The following ATP10B variants were observed in gnomAD, a reference collection of about 807,000 sequenced individuals.
ATP10B encodes phospholipid-transporting ATPase VB.
ATP10B carries 122 observed loss-of-function variants against 141.2 expected under a neutral mutation model. That is an observed-to-expected ratio of 0.86 (90% CI 0.75 to 1.00). ATP10B has a LOEUF of 1.00. Ranked by LOEUF, ATP10B falls within the 50% of genes least tolerant of loss-of-function variation. ATP10B has a pLI of 0.00. For synonymous variants in ATP10B, 685 were observed against 692.0 expected (o/e 0.99, Z 0.16); for missense variants, 1,876 against 1,825.3 (o/e 1.03, Z -0.51).
chr5:160,598,190 T>C (rs1326597020), intron 22 of ATP10B, among the ~76,000 whole-genome samples: 2 of 151,816 alleles, frequency 1.3e-5, no homozygotes, highest in Admixed American at 6.6e-5. Flanking sequence ...ATATACACCA[T>C]GGAATACTAT....
At chr5:160,682,762 G>A (rs187248306) in intron 6 of ATP10B, among the ~76,000 whole-genome samples, 96 of 152,184 alleles carry the variant, frequency 6.3e-4, no homozygotes, top group African/African-American at 2.2e-3. Flanking sequence ...TTTCTCGGCC[G>A]GGCGCGGTGG....
chr5:160,651,932 T>C (rs1047032459), intron 7 of ATP10B, among the ~76,000 whole-genome samples: 52 of 151,888 alleles, frequency 3.4e-4, no homozygotes, highest in African/African-American at 1.2e-3. Context: ...GCTTCACTCC[T>C]GATCCACACC....
intron 2 of ATP10B, among the ~76,000 whole-genome samples, chr5:160,742,574 G>A (rs1295896326): frequency 6.6e-6 from 1 of 152,166 alleles, no homozygotes; most frequent in African/African-American, 2.4e-5. Flanking sequence ...CACTTGCTGA[G>A]CAAATAGGTA....
At chr5:160,802,478 C>G (rs1772440258) in intron 1 of ATP10B, among the ~76,000 whole-genome samples, 2 of 152,176 alleles carry the variant, frequency 1.3e-5, no homozygotes, top group Admixed American at 1.3e-4. Context: ...CTACCGATAT[C>G]TAGATGAGAC....
intron 2 of ATP10B, among the ~76,000 whole-genome samples, chr5:160,778,367 C>T (rs4921335): frequency 0.44 from 67,094 of 152,046 alleles, 15,033 homozygotes; most frequent in East Asian, 0.58. Flanking sequence ...TCCTCCAATA[C>T]CCTTCCTGAA....
At chr5:160,901,572 T>C in the ATP10B span, among the ~76,000 whole-genome samples, 1 of 152,172 alleles carries the variant, frequency 6.6e-6, no homozygotes, top group South Asian at 2.1e-4. Context: ...CATTGATAGA[T>C]TCTGAAAAGT....
chr5:160,862,439 C>T, the ATP10B span, among the ~76,000 whole-genome samples: 38 of 152,064 alleles, frequency 2.5e-4, no homozygotes, highest in African/African-American at 9.1e-4. Context: ...TCCATAATCA[C>T]ATAAGTCAAT....
At chr5:160,865,704 A>G in the ATP10B span, among the ~76,000 whole-genome samples, 1 of 152,158 alleles carries the variant, frequency 6.6e-6, no homozygotes, top group Non-Finnish European at 1.5e-5. Context: ...CAGAATCTAC[A>G]AGGAACTCAA....
intron 1 of ATP10B, among the ~76,000 whole-genome samples, chr5:160,819,277 T>C (rs761934111): frequency 6.6e-6 from 1 of 152,128 alleles, no homozygotes; most frequent in Non-Finnish European, 1.5e-5. Context: ...TAGCATGACA[T>C]ACTTAAATTA....
intron 19 of ATP10B, 86 bp downstream of exon 19, chr5:160,606,679 T>C: frequency 7.2e-7 from 1 of 1,379,518 alleles, no homozygotes; most frequent in East Asian, 2.3e-5. Flanking sequence ...CATTCTGACT[T>C]TGAGACCTGA....
intron 2 of ATP10B, among the ~76,000 whole-genome samples, chr5:160,723,790 C>T (rs979552817): frequency 4.6e-5 from 7 of 152,154 alleles, no homozygotes; most frequent in African/African-American, 1.4e-4. Flanking sequence ...CCTGATTGCA[C>T]TTTTATTTTG....
chr5:160,884,193 T>C, the ATP10B span, among the ~76,000 whole-genome samples: 1 of 152,210 alleles, frequency 6.6e-6, no homozygotes, highest in Non-Finnish European at 1.5e-5. Flanking sequence ...CCAACCATCT[T>C]GTAACAGTCT....
chr5:160,813,539 T>C (rs1773330968), intron 1 of ATP10B, among the ~76,000 whole-genome samples: 1 of 152,188 alleles, frequency 6.6e-6, no homozygotes, highest in East Asian at 1.9e-4. Flanking sequence ...CCTGCCTTTG[T>C]AGACTCCACT....
intron 2 of ATP10B, among the ~76,000 whole-genome samples, chr5:160,732,169 G>A (rs930121749): frequency 1.2e-4 from 19 of 152,108 alleles, no homozygotes; most frequent in African/African-American, 4.3e-4. Flanking sequence ...AAATATCAGC[G>A]AGATGGGGAA....
intron 22 of ATP10B, among the ~76,000 whole-genome samples, chr5:160,597,076 C>T (rs4921153): frequency 0.73 from 110,579 of 151,976 alleles, 40,963 homozygotes; most frequent in East Asian, 0.84. Flanking sequence ...AAAAAGAGCC[C>T]GCATTGCCAA....
At chr5:160,762,080 A>G (rs1314782798) in intron 2 of ATP10B, among the ~76,000 whole-genome samples, 2 of 152,230 alleles carry the variant, frequency 1.3e-5, no homozygotes, top group Non-Finnish European at 2.9e-5. Context: ...TTAAACAACC[A>G]AACATAAGAA....
intron 2 of ATP10B, among the ~76,000 whole-genome samples, chr5:160,743,546 A>G (rs993582543): frequency 5.3e-5 from 8 of 152,294 alleles, no homozygotes; most frequent in African/African-American, 1.9e-4. Context: ...CAGGATTATT[A>G]AGCTAATTTT....
At chr5:160,581,028 G>T (rs756088561) in intron 24 of ATP10B, among the ~76,000 whole-genome samples, 1 of 150,592 alleles carries the variant, frequency 6.6e-6, no homozygotes, top group South Asian at 2.1e-4. Flanking sequence ...TTTTTATTCT[G>T]TCTATTTGAT....
intron 2 of ATP10B, among the ~76,000 whole-genome samples, chr5:160,735,056 T>TA (rs1767012267): frequency 7.2e-6 from 1 of 139,758 alleles, no homozygotes; most frequent in Non-Finnish European, 1.6e-5. Context: ...TCATCTTTAC[T>TA]AAAGGAAGAC....
Sources: allele counts gnomAD v4.1 joint callset (sites outside exome capture counted in the v4.1 genomes callset), GRCh38; gene constraint gnomAD v4.1.1; transcripts MANE v1.5; gene names NCBI Gene and HGNC (gene_info 2026-07-23, HGNC 2026-07-21).